Variants in DPPA4 observed in about 807,000 individuals in gnomAD.
DPPA4 encodes the protein developmental pluripotency-associated protein 4.
DPPA4 carries 22 observed loss-of-function variants against 33.7 expected under a neutral mutation model. The ratio of observed to expected loss-of-function variants is 0.65; its 90% CI spans 0.47 to 0.93. The LOEUF (loss-of-function observed/expected upper bound fraction) is 0.93. DPPA4 is among the 40% of genes least tolerant of loss of function. The pLI, the probability that DPPA4 is intolerant of heterozygous loss-of-function variation, is 0.00. For missense variants in DPPA4, 340 were observed against 358.6 expected (o/e 0.95, Z 0.42); for synonymous variants, 156 against 132.3 (o/e 1.18, Z -1.23).
At chr3:109,337,311 C>A (rs1708234497) in intron 1 of DPPA4, among the ~76,000 whole-genome samples, 153 bp downstream of exon 1, 1 of 151,244 alleles carries the variant, frequency 6.6e-6, no homozygotes, top group African/African-American at 2.4e-5. Flanking sequence ...CAATCATATT[C>A]TTGGGCCTTA....
At chr3:109,329,688 T>A (rs1708015371) in intron 5 of DPPA4, 1 of 153,916 alleles carries the variant, frequency 6.5e-6, no homozygotes, top group Middle Eastern at 3.4e-3. Flanking sequence ...GGGTCTCAGC[T>A]CTTAACACAC....
chr3:109,333,736 G>A (rs1001471912), intron 2 of DPPA4, 134 bp downstream of exon 2: 33 of 1,055,868 alleles, frequency 3.1e-5, no homozygotes, highest in African/African-American at 4.8e-5. Flanking sequence ...AACAGTTTAA[G>A]CTTGGCTTCC....
At chr3:109,331,683 AC>A in intron 4 of DPPA4, 50 bp downstream of exon 4, 1 of 1,573,868 alleles carries the variant, frequency 6.4e-7, no homozygotes, top group Non-Finnish European at 8.7e-7. Flanking sequence ...TTTTGAGGCT[AC>A]AATAGGTAAT....
At chr3:109,332,567 C>T (rs1708106245) in intron 2 of DPPA4, among the ~76,000 whole-genome samples, 1 of 152,118 alleles carries the variant, frequency 6.6e-6, no homozygotes, top group African/African-American at 2.4e-5. Context: ...GCACTTCCAT[C>T]CCAGGGGAAT....
At chr3:109,330,224 C>T (rs1245835403) in intron 5 of DPPA4, 2 of 350,082 alleles carry the variant, frequency 5.7e-6, no homozygotes, top group Non-Finnish European at 1.1e-5. Context: ...ATTGCTTGAA[C>T]CTGGGAGGTG....
intron 1 of DPPA4, among the ~76,000 whole-genome samples, chr3:109,337,180 G>A (rs1452463675): frequency 7.3e-5 from 11 of 150,704 alleles, no homozygotes; most frequent in Non-Finnish European, 1.0e-4. Context: ...GATTACAGGC[G>A]TGAGCCACCG....
chr3:109,336,551 G>T (rs1195059084), intron 1 of DPPA4: 1 of 152,154 alleles, frequency 6.6e-6, no homozygotes, highest in Non-Finnish European at 1.5e-5. Flanking sequence ...CTCGGTTTAG[G>T]ATCTGTGTCC....
chr3:109,327,850 C>T lies in DPPA4; in HGVS notation c.*138G>A, dbSNP rs2107336483. The stretch of plus-strand genomic sequence containing the variant: ...GGCACTGCTAGGGGTCTTAGGCTAA[C>T]ATCTGCCACCCCACCAGTCTGCATG... On this transcript the variant is annotated 3_prime_UTR_variant, in exon 7 of 7. Coordinates refer to ENST00000335658, the MANE Select transcript of DPPA4 (RefSeq NM_018189.4). The T allele has an allele frequency of 1.5e-6, 1 of 653,544 alleles. No individual in the cohort carries two copies. The highest frequency in any genetic ancestry group is 4.5e-4 in the Middle Eastern group (1 of 2,210). The allele number at this position is 653,544 out of a possible 1,614,324, so 40.5% of individuals were successfully genotyped here. A position where few individuals can be genotyped will look rare whatever the true frequency, so the allele number is the denominator to read the frequency against.
upstream of DPPA4, among the ~76,000 whole-genome samples, chr3:109,339,410 T>C (rs1708270985): frequency 6.6e-6 from 1 of 151,844 alleles, no homozygotes; most frequent in Admixed American, 6.6e-5. Flanking sequence ...ACTTAGAGGG[T>C]TGTGGGCATG....
chr3:109,336,426 G>C (rs1401391058), intron 1 of DPPA4: 1 of 152,092 alleles, frequency 6.6e-6, no homozygotes, highest in African/African-American at 2.4e-5. Context: ...CCTGTGCAAC[G>C]TCTTAAATCC....
rs1490528847 is a variant in DPPA4, at chr3:109,328,902, T to C, written c.866A>G (p.Lys289Arg). Residue 289 changes from lysine to arginine, a missense_variant, in exon 6 of 7, where the codon AAA (lysine) becomes AGA (arginine). Lys to Arg is a conservative substitution (Grantham distance 26, BLOSUM62 2). Around this residue, in one of 3 missense-constraint regions of DPPA4, gnomAD observed 212 missense variants for 206.5 expected, o/e 1.03. Coordinates refer to ENST00000335658, the MANE Select transcript of DPPA4 (RefSeq NM_018189.4). Reference sequence around the variant, plus strand: ...ATCAGGTAATTACCTGTGAACACATTTGGGGCACAACATATTGTCTTCAAG... The same window carrying C: ...ATCAGGTAATTACCTGTGAACACATCTGGGGCACAACATATTGTCTTCAAG... ...PHLEDNMLCP[K>R]CVHRNKVLIK... is the part of the protein sequence containing the mutation. The C allele has an allele frequency of 1.2e-6, 2 of 1,613,708 alleles. No individual in the cohort carries two copies. Among genetic ancestry groups the C allele is most frequent in the African/African-American group, 2.7e-5 (2 of 74,910 alleles).
intron 4 of DPPA4, among the ~76,000 whole-genome samples, chr3:109,331,416 C>G (rs1157836606): frequency 6.6e-6 from 1 of 150,458 alleles, no homozygotes; most frequent in Non-Finnish European, 1.5e-5. Flanking sequence ...CTGAGGCAGG[C>G]GCCTGTAATC....
chr3:109,337,812 A>T (rs2107355998), upstream of DPPA4, among the ~76,000 whole-genome samples: 1 of 151,932 alleles, frequency 6.6e-6, no homozygotes, highest in Non-Finnish European at 1.5e-5. Context: ...GAACGATTCT[A>T]CGGGGAAAAA....
chr3:109,335,327 G>GTC lies in DPPA4; in HGVS notation c.55-1336_55-1335dup, dbSNP rs200242571. Among the ~76,000 whole-genome samples the GTC allele has an allele frequency of 3.5e-3, 527 of 152,110 alleles. 2 individuals carry two copies. Among genetic ancestry groups the GTC allele is most frequent in the African/African-American group, 0.012 (491 of 41,516 alleles). On this transcript the variant is annotated intron_variant, in intron 1 of 6. Coordinates refer to ENST00000335658, the MANE Select transcript of DPPA4 (RefSeq NM_018189.4). ...TTTTGTAGAGGTGAGGTCTCCCTAT[G>GTC]TCTCCCCCCACTGATCTCAATCTTC...
upstream of DPPA4, chr3:109,337,624 C>T (rs1011491916): frequency 1.1e-6 from 1 of 948,182 alleles, no homozygotes; most frequent in Non-Finnish European, 1.7e-6. Flanking sequence ...CTTTTCTTCT[C>T]CCCTTCTGTT....
At chr3:109,334,416 G>A (rs1023479431) in intron 1 of DPPA4, among the ~76,000 whole-genome samples, 7 of 152,062 alleles carry the variant, frequency 4.6e-5, no homozygotes, top group African/African-American at 1.7e-4. Flanking sequence ...TGAGCATGGT[G>A]GTGTGTGCGT....
At chr3:109,338,712 C>T (rs1049655490), upstream of DPPA4, among the ~76,000 whole-genome samples, 1 of 152,164 alleles carries the variant, frequency 6.6e-6, no homozygotes, top group African/African-American at 2.4e-5. Context: ...GGGCAACCCC[C>T]AAGGCGGCAA....
chr3:109,327,858 A>T lies in DPPA4; in HGVS notation c.*130T>A, dbSNP rs1181748835. 3 of 674,394 alleles carry T rather than the reference A, an allele frequency of 4.4e-6. No individual in the cohort carries two copies. Among genetic ancestry groups the T allele is most frequent in the Admixed American group, 4.9e-5 (2 of 40,952 alleles). The allele number at this position is 674,394 out of a possible 1,614,324, so 41.8% of individuals were successfully genotyped here. A position where few individuals can be genotyped will look rare whatever the true frequency, so the allele number is the denominator to read the frequency against. ...TAGGGGTCTTAGGCTAACATCTGCC[A>T]CCCCACCAGTCTGCATGGCCCATAA... On this transcript the variant is annotated 3_prime_UTR_variant, in exon 7 of 7. Transcript: ENST00000335658.
rs373604652 is a variant in DPPA4, at chr3:109,332,036, A to C, written c.179-5T>G. 5.7e-6 allele frequency: 9 copies of C among 1,591,020 alleles called. No homozygotes were observed. In the African/African-American group the frequency reaches 1.1e-4, roughly 19 times the overall value. On this transcript the variant is annotated splice_region_variant and splice_polypyrimidine_tract_variant and intron_variant, in intron 2 of 6. Transcript: ENST00000335658. Reference sequence around the variant, plus strand: ...CCTTTTTCTTAGGGCAGAGCACTGAAGCAGAATGGAATCAAATGAGTAGTA... The same window carrying C: ...CCTTTTTCTTAGGGCAGAGCACTGACGCAGAATGGAATCAAATGAGTAGTA...
Sources: gnomAD v4.1 joint callset for allele counts (sites outside exome capture counted in the v4.1 genomes callset) on GRCh38, gnomAD v4.1.1 for gene constraint, gnomAD v4.1.1 regional missense constraint, MANE v1.5 for transcripts, NCBI Gene and HGNC (gene_info 2026-07-23, HGNC 2026-07-21) for gene names.